The following HIBADH variants were observed in gnomAD, a reference collection of about 807,000 sequenced individuals.
HIBADH encodes the protein 3-hydroxyisobutyrate dehydrogenase.
Under a neutral mutation model 36.1 loss-of-function variants are expected in HIBADH, and 25 were observed. The ratio of observed to expected loss-of-function variants is 0.69; its 90% CI spans 0.50 to 0.97. The LOEUF (loss-of-function observed/expected upper bound fraction) is 0.97, where lower values mean the gene tolerates loss of function less well. Among genes scored for constraint, HIBADH ranks in the 50% least tolerant of loss-of-function variants. The probability of loss-of-function intolerance (pLI) is 0.00; values close to 1 mark genes in which losing one functional copy is unlikely to be tolerated. For synonymous variants in HIBADH, 160 were observed against 149.5 expected (o/e 1.07, Z -0.51); for missense variants, 421 against 418.0 (o/e 1.01, Z -0.06).
intron 1 of HIBADH, among the ~76,000 whole-genome samples, chr7:27,649,955 T>G (rs182388578): frequency 6.6e-6 from 1 of 152,024 alleles, no homozygotes; most frequent in East Asian, 1.9e-4. Context: ...ACATTTAAAG[T>G]TATCAACAAT....
chr7:27,585,403 T>C (rs898213194), intron 4 of HIBADH, among the ~76,000 whole-genome samples: 11 of 152,106 alleles, frequency 7.2e-5, no homozygotes, highest in African/African-American at 2.2e-4. Context: ...TCCCTATCTA[T>C]GCTAGGACTA....
At chr7:27,528,630 C>A (rs536535936) in intron 7 of HIBADH, among the ~76,000 whole-genome samples, 23 of 152,252 alleles carry the variant, frequency 1.5e-4, no homozygotes, top group African/African-American at 4.8e-4. Context: ...CTGCAGAAGA[C>A]GTGTGAAGCT....
At chr7:27,651,259 T>G (rs907536568) in intron 1 of HIBADH, among the ~76,000 whole-genome samples, 1 of 152,348 alleles carries the variant, frequency 6.6e-6, no homozygotes, top group Non-Finnish European at 1.5e-5. Context: ...GCATATTTAA[T>G]TCCTTTAACT....
At chr7:27,643,401 T>C (rs1785997108) in intron 2 of HIBADH, among the ~76,000 whole-genome samples, 2 of 152,236 alleles carry the variant, frequency 1.3e-5, no homozygotes, top group South Asian at 2.1e-4. Flanking sequence ...AACTAATTTA[T>C]AGTTAACATT....
intron 4 of HIBADH, among the ~76,000 whole-genome samples, chr7:27,557,244 T>C (rs754061774): frequency 3.3e-5 from 5 of 152,068 alleles, no homozygotes; most frequent in Non-Finnish European, 5.9e-5. Flanking sequence ...ACAATTTATA[T>C]ATTATCTCAA....
intron 2 of HIBADH, among the ~76,000 whole-genome samples, chr7:27,639,648 A>G (rs556582563): frequency 2.0e-5 from 3 of 152,160 alleles, no homozygotes; most frequent in South Asian, 2.1e-4. Flanking sequence ...CTACAAACAC[A>G]CTCATTTTCT....
chr7:27,570,469 C>G (rs1015049140), intron 4 of HIBADH, among the ~76,000 whole-genome samples: 15 of 152,000 alleles, frequency 9.9e-5, no homozygotes, highest in African/African-American at 3.6e-4. Context: ...TATTTTTACA[C>G]GATATTCTAG....
intron 4 of HIBADH, among the ~76,000 whole-genome samples, chr7:27,570,604 G>T (rs767369487): frequency 6.6e-6 from 1 of 151,368 alleles, no homozygotes; most frequent in Non-Finnish European, 1.5e-5. Context: ...CCTTAAACGT[G>T]ATGACGGTTA....
At chr7:27,609,124 A>T (rs1785281885) in intron 4 of HIBADH, among the ~76,000 whole-genome samples, 1 of 152,246 alleles carries the variant, frequency 6.6e-6, no homozygotes, top group African/African-American at 2.4e-5. Context: ...AACAATAAAT[A>T]ATGAGAGCAA....
intron 4 of HIBADH, among the ~76,000 whole-genome samples, chr7:27,599,580 G>C (rs1363688627): frequency 6.7e-6 from 1 of 150,038 alleles, no homozygotes; most frequent in Non-Finnish European, 1.5e-5. Context: ...TACTGGGGAG[G>C]CTGAGGCAGG....
At chr7:27,619,143 C>G (rs530081664) in intron 4 of HIBADH, among the ~76,000 whole-genome samples, 10 of 152,310 alleles carry the variant, frequency 6.6e-5, no homozygotes, top group Non-Finnish European at 1.2e-4. Context: ...AACTTCACCA[C>G]AGCTTCCACT....
intron 4 of HIBADH, among the ~76,000 whole-genome samples, chr7:27,574,374 A>AAAT (rs1784675342): frequency 6.6e-6 from 1 of 152,094 alleles, no homozygotes; most frequent in Admixed American, 6.5e-5. Flanking sequence ...TTTCCCACAG[A>AAAT]AATATGATGC....
At chr7:27,542,664 C>T (rs1219640576) in intron 5 of HIBADH, among the ~76,000 whole-genome samples, 1 of 151,750 alleles carries the variant, frequency 6.6e-6, no homozygotes, top group African/African-American at 2.4e-5. Flanking sequence ...GTTGCCCTGG[C>T]TGGTGTCAAA....
intron 6 of HIBADH, among the ~76,000 whole-genome samples, chr7:27,533,133 T>C (rs1318906619): frequency 6.6e-6 from 1 of 152,184 alleles, no homozygotes; most frequent in South Asian, 2.1e-4. Flanking sequence ...GCAGAATTCC[T>C]TCCTTCTTTC....
At chr7:27,613,124 T>TTATATAAA (rs1554298942) in intron 4 of HIBADH, among the ~76,000 whole-genome samples, 1 of 109,480 alleles carries the variant, frequency 9.1e-6, no homozygotes, top group Non-Finnish European at 1.8e-5. Context: ...ATAAATATAT[T>TTATATAAA]TATATATATT....
At chr7:27,599,635 T>C (rs1785091151) in intron 4 of HIBADH, among the ~76,000 whole-genome samples, 1 of 122,552 alleles carries the variant, frequency 8.2e-6, no homozygotes, top group Non-Finnish European at 1.6e-5. Flanking sequence ...TGAGCCCAGA[T>C]GGCGCCACTG....
chr7:27,586,369 AGAAGGAAG>A (rs1163002988), intron 4 of HIBADH, among the ~76,000 whole-genome samples: 2 of 138,566 alleles, frequency 1.4e-5, no homozygotes, highest in African/African-American at 2.6e-5. Context: ...AGGGAGAGAG[AGAAGGAAG>A]GAAGGAAAGA....
chr7:27,635,614 A>C (rs905840282), intron 2 of HIBADH, among the ~76,000 whole-genome samples: 20 of 152,240 alleles, frequency 1.3e-4, no homozygotes, highest in African/African-American at 3.9e-4. Flanking sequence ...AGTTCTAAGA[A>C]GGTATGGTTC....
intron 2 of HIBADH, among the ~76,000 whole-genome samples, chr7:27,638,308 CA>C (rs368715218): frequency 0.042 from 2,318 of 55,412 alleles, 20 homozygotes; most frequent in Middle Eastern, 0.071. Flanking sequence ...TTGGCAAAGT[CA>C]AAAAAAAAAA....
Sources: allele counts gnomAD v4.1 joint callset (sites outside exome capture counted in the v4.1 genomes callset), GRCh38; gene constraint gnomAD v4.1.1; transcripts MANE v1.5; gene names NCBI Gene and HGNC (gene_info 2026-07-23, HGNC 2026-07-21).